Variants in ADGRV1 observed in about 807,000 individuals in gnomAD.
ADGRV1 encodes the protein G-protein coupled receptor 98.
Under a neutral mutation model 596.2 loss-of-function variants are expected in ADGRV1, and 359 were observed. The observed-to-expected ratio is 0.60, with a 90% CI of 0.55 to 0.66. The LOEUF (loss-of-function observed/expected upper bound fraction) is 0.66. Ranked by LOEUF, ADGRV1 falls within the 30% of genes least tolerant of loss-of-function variation. The pLI is 0.00. For missense variants in ADGRV1, 7,274 were observed against 7,575.6 expected (o/e 0.96, Z 1.48); for synonymous variants, 2,681 against 2,679.2 (o/e 1.00, Z -0.02).
rs1239159426 is a variant in ADGRV1, at chr5:90,725,141, C to T, written c.9962C>T (p.Pro3321Leu). 2 of 1,545,494 alleles carry T rather than the reference C, an allele frequency of 1.3e-6. No homozygotes were observed. The highest frequency in any genetic ancestry group is 2.3e-5 in the East Asian group (1 of 44,056). Residue 3321 changes from proline (P) to leucine (L), a missense_variant, in exon 47 of 90, where the codon CCC (proline) becomes CTC (leucine). Pro to Leu is a moderately conservative substitution (Grantham distance 98, BLOSUM62 -3). Coordinates refer to ENST00000405460, the MANE Select transcript of ADGRV1 (RefSeq NM_032119.4). ...GAGGCCTTTAATATTGGTTTTTCTCCCTACTTTGTGATTACTCATGAAGAA... is the reference window on the plus strand; with the variant it reads ...GAGGCCTTTAATATTGGTTTTTCTCTCTACTTTGTGATTACTCATGAAGAA... ...TCEAFNIGFSPYFVITHEERN... is the reference protein window; with the variant it reads ...TCEAFNIGFSLYFVITHEERN...
intron 1 of ADGRV1, among the ~76,000 whole-genome samples, chr5:90,568,330 C>G (rs1177334249): frequency 6.6e-6 from 1 of 151,976 alleles, no homozygotes; most frequent in Non-Finnish European, 1.5e-5. Context: ...TTTCATTAAT[C>G]TCAAATTATT....
chr5:91,054,031 T>G (rs570321917), intron 85 of ADGRV1, among the ~76,000 whole-genome samples: 2 of 151,970 alleles, frequency 1.3e-5, no homozygotes, highest in East Asian at 3.9e-4. Context: ...GCTGCTTTCA[T>G]ACTGAAAGTT....
In ADGRV1 at chr5:90,820,126, A is replaced by C. The variant is rs200148333; in HGVS notation, c.16197-3299A>C. ...TGTGTTGGGTGCATATATATTTAGG[A>C]TAGTTAGCTCTTCTTGTTGAATTGA... is the stretch of plus-strand genomic sequence containing the variant. On this transcript the variant is annotated intron_variant, in intron 75 of 89. Coordinates refer to ENST00000405460, the MANE Select transcript of ADGRV1 (RefSeq NM_032119.4). 9.6e-4 allele frequency among the ~76,000 whole-genome samples: 145 copies of C among 151,446 alleles called. No homozygotes were observed. In the East Asian group the frequency reaches 0.014, roughly 15 times the overall value.
chr5:90,972,558 G>A (rs1392881040), intron 84 of ADGRV1, among the ~76,000 whole-genome samples: 1 of 152,002 alleles, frequency 6.6e-6, no homozygotes, highest in Admixed American at 6.6e-5. Flanking sequence ...TCACTCAAAA[G>A]CGCTCAACTA....
chr5:91,119,318 T>G (rs1275675205), intron 87 of ADGRV1, among the ~76,000 whole-genome samples: 5 of 152,316 alleles, frequency 3.3e-5, no homozygotes, highest in Non-Finnish European at 5.9e-5. Context: ...GCAACTGGGT[T>G]CCTGAAGTCA....
chr5:90,602,824 A>G (rs553594000), intron 1 of ADGRV1, among the ~76,000 whole-genome samples: 1 of 152,352 alleles, frequency 6.6e-6, no homozygotes, highest in South Asian at 2.1e-4. Flanking sequence ...ATTAATAGAC[A>G]TGGTGGTGGC....
intron 86 of ADGRV1, among the ~76,000 whole-genome samples, chr5:91,077,634 T>C (rs1279950726): frequency 6.6e-6 from 1 of 152,192 alleles, no homozygotes; most frequent in East Asian, 1.9e-4. Context: ...ACTCGGCTTT[T>C]TGTGGCCCTT....
chr5:90,661,578 A>T (rs1390978364), intron 21 of ADGRV1, among the ~76,000 whole-genome samples: 1 of 152,170 alleles, frequency 6.6e-6, no homozygotes, highest in Non-Finnish European at 1.5e-5. Flanking sequence ...ATGGTTCAGA[A>T]TACTGCATTA....
intron 82 of ADGRV1, among the ~76,000 whole-genome samples, chr5:90,861,304 A>ATTTT (rs549384273): frequency 1.1e-3 from 164 of 146,532 alleles, no homozygotes; most frequent in African/African-American, 3.8e-3. Context: ...TTATTTATCT[A>ATTTT]TTTTTTTTTT....
intron 25 of ADGRV1, 66 bp from the exon 26 acceptor site, chr5:90,679,483 C>T (rs980958354): frequency 9.1e-7 from 1 of 1,096,276 alleles, no homozygotes; most frequent in Middle Eastern, 2.0e-4. Context: ...TGTTTTAAGA[C>T]CTCTCAATTT....
At chr5:90,807,488 G>A in intron 72 of ADGRV1, 114 bp from the exon 73 acceptor site, 1 of 1,029,984 alleles carries the variant, frequency 9.7e-7, no homozygotes, top group East Asian at 2.7e-5. Flanking sequence ...TTTACCTTTT[G>A]TGAACTATAA....
At chr5:90,999,757 G>A (rs1011898301) in intron 85 of ADGRV1, among the ~76,000 whole-genome samples, 1 of 152,136 alleles carries the variant, frequency 6.6e-6, no homozygotes, top group Admixed American at 6.5e-5. Context: ...AGATGGTCAA[G>A]TGTGTATTAT....
intron 75 of ADGRV1, among the ~76,000 whole-genome samples, chr5:90,816,354 T>C (rs1010130953): frequency 6.6e-6 from 1 of 151,066 alleles, no homozygotes; most frequent in African/African-American, 2.4e-5. Context: ...AAAAATATAT[T>C]TTTTTAATTT....
intron 27 of ADGRV1, among the ~76,000 whole-genome samples, chr5:90,682,676 A>G (rs1054251421): frequency 1.3e-5 from 2 of 151,836 alleles, no homozygotes; most frequent in Admixed American, 6.5e-5. Context: ...AGGATAACTA[A>G]TGACTCAGGA....
intron 36 of ADGRV1, 23 bp downstream of exon 36, chr5:90,704,511 T>A (rs758434704): frequency 8.1e-6 from 11 of 1,357,510 alleles, no homozygotes; most frequent in Non-Finnish European, 1.1e-5. Flanking sequence ...TTAATTTTAA[T>A]TTTTTTTGGT....
chr5:90,637,129 C>T (rs1481823927), intron 10 of ADGRV1, among the ~76,000 whole-genome samples: 1 of 152,248 alleles, frequency 6.6e-6, no homozygotes. Context: ...GAATCATTAG[C>T]TTTATTTCAC....
At chr5:90,789,937 A>C in intron 69 of ADGRV1, 86 bp downstream of exon 69, 1 of 996,424 alleles carries the variant, frequency 1.0e-6, no homozygotes. Context: ...TGTTCTAGTT[A>C]ATTAAAGTTT....
intron 83 of ADGRV1, among the ~76,000 whole-genome samples, chr5:90,950,566 C>A (rs979116701): frequency 6.6e-6 from 1 of 152,152 alleles, no homozygotes; most frequent in African/African-American, 2.4e-5. Flanking sequence ...AGGTGATCCA[C>A]CCACCTTGGC....
intron 6 of ADGRV1, among the ~76,000 whole-genome samples, 173 bp from the exon 7 acceptor site, chr5:90,627,038 G>C (rs932796649): frequency 6.6e-6 from 1 of 152,080 alleles, no homozygotes; most frequent in Non-Finnish European, 1.5e-5. Flanking sequence ...TTATTTACCT[G>C]TGGAAAATAT....
Sources: gnomAD v4.1 joint callset for allele counts (sites outside exome capture counted in the v4.1 genomes callset) on GRCh38, gnomAD v4.1.1 for gene constraint, MANE v1.5 for transcripts, NCBI Gene and HGNC (gene_info 2026-07-23, HGNC 2026-07-21) for gene names.